The following FOXP1 variants were observed in gnomAD, a reference collection of about 807,000 sequenced individuals.
FOXP1 encodes forkhead box protein P1.
FOXP1 carries 15 observed loss-of-function variants against 98.2 expected under a neutral mutation model. The ratio of observed to expected loss-of-function variants is 0.15; its 90% CI spans 0.10 to 0.24. The LOEUF (loss-of-function observed/expected upper bound fraction) is 0.24. FOXP1 is among the 10% of genes least tolerant of loss of function. The pLI is 1.00. For missense variants in FOXP1, 633 were observed against 848.5 expected (o/e 0.75, Z 3.15); for synonymous variants, 371 against 314.5 (o/e 1.18, Z -1.90).
chr3:71,263,379 T>C lies in FOXP1; in HGVS notation c.-12+36441A>G, dbSNP rs112926647. Among the ~76,000 whole-genome samples the C allele has an allele frequency of 1.8e-3, 275 of 152,254 alleles. 2 individuals are homozygous for C. The highest frequency in any genetic ancestry group is 6.3e-3 in the African/African-American group (263 of 41,544). ...AATATAAAAATCGGATGTGGGGGAA[T>C]TGGGTTTTTATTGTTCTGTTGTTGC... On this transcript the variant is annotated intron_variant, in intron 5 of 20. Transcript: ENST00000649528.
chr3:71,394,219 G>T (rs556556079), intron 3 of FOXP1, among the ~76,000 whole-genome samples: 5 of 152,178 alleles, frequency 3.3e-5, no homozygotes, highest in Non-Finnish European at 7.4e-5. Flanking sequence ...CCGGATTTTT[G>T]TTTTCTCAGA....
chr3:71,294,345 A>G (rs139802328), intron 5 of FOXP1, among the ~76,000 whole-genome samples: 60 of 152,350 alleles, frequency 3.9e-4, no homozygotes, highest in African/African-American at 1.4e-3. Flanking sequence ...AAATCAAGTT[A>G]ATCTCACATA....
chr3:71,040,749 T>C (rs556355065), intron 11 of FOXP1, among the ~76,000 whole-genome samples: 30 of 152,070 alleles, frequency 2.0e-4, no homozygotes, highest in Non-Finnish European at 4.0e-4. Context: ...TTTATGTGAG[T>C]ATATACAACA....
intron 3 of FOXP1, among the ~76,000 whole-genome samples, chr3:71,471,496 G>A (rs920065184): frequency 1.3e-5 from 2 of 152,020 alleles, no homozygotes; most frequent in East Asian, 1.9e-4. Context: ...GAGTACAAAC[G>A]AATGTTTTGA....
intron 11 of FOXP1, among the ~76,000 whole-genome samples, chr3:71,035,138 T>C (rs1226084031): frequency 2.0e-5 from 3 of 152,208 alleles, no homozygotes; most frequent in Non-Finnish European, 4.4e-5. Context: ...GGCCAGAGAC[T>C]GAGTTTCTAA....
chr3:71,106,994 C>T (rs1240569680), intron 7 of FOXP1, among the ~76,000 whole-genome samples: 1 of 151,950 alleles, frequency 6.6e-6, no homozygotes, highest in Non-Finnish European at 1.5e-5. Context: ...GTCTCTAACT[C>T]CTGGACTTAA....
chr3:71,115,991 T>C (rs1394870682), intron 6 of FOXP1, among the ~76,000 whole-genome samples: 3 of 151,880 alleles, frequency 2.0e-5, no homozygotes, highest in African/African-American at 7.2e-5. Flanking sequence ...CCGCCTCAGC[T>C]TCCCAAAGTG....
intron 7 of FOXP1, among the ~76,000 whole-genome samples, chr3:71,087,423 G>A (rs533739297): frequency 3.3e-5 from 5 of 152,306 alleles, no homozygotes; most frequent in East Asian, 3.9e-4. Context: ...AAACGGCATC[G>A]AGCCGCATCA....
chr3:71,477,995 A>G (rs1358042962), intron 3 of FOXP1, among the ~76,000 whole-genome samples: 3 of 152,218 alleles, frequency 2.0e-5, no homozygotes, highest in Non-Finnish European at 4.4e-5. Context: ...AACAGGAATA[A>G]CCTTACCATG....
chr3:70,973,961 T>C (rs2036951578), intron 17 of FOXP1, among the ~76,000 whole-genome samples: 2 of 151,798 alleles, frequency 1.3e-5, no homozygotes, highest in Non-Finnish European at 2.9e-5. Context: ...CAATCACAAT[T>C]GGTGGCTGTG....
At chr3:71,102,366 C>CTTAT (rs2057038558) in intron 7 of FOXP1, among the ~76,000 whole-genome samples, 1 of 152,204 alleles carries the variant, frequency 6.6e-6, no homozygotes, top group African/African-American at 2.4e-5. Context: ...CACAAGCATG[C>CTTAT]TATATCCATG....
chr3:70,970,671 TA>T, intron 19 of FOXP1, 64 bp downstream of exon 19: 1 of 1,217,828 alleles, frequency 8.2e-7, no homozygotes, highest in Non-Finnish European at 1.2e-6. Flanking sequence ...AAGGCTAATA[TA>T]TTTTGAAATG....
chr3:71,067,729 A>AAAACACACACACACACAC (rs1257302897), intron 7 of FOXP1, among the ~76,000 whole-genome samples: 1 of 11,188 alleles, frequency 8.9e-5, no homozygotes, highest in African/African-American at 1.7e-4. Flanking sequence ...CGTCTCCAAA[A>AAAACACACACACACACAC]ATACACACAC....
At chr3:70,979,316 A>AAAAAGAAAAGAAAAG (rs763953057) in intron 14 of FOXP1, among the ~76,000 whole-genome samples, 1 of 96,514 alleles carries the variant, frequency 1.0e-5, no homozygotes, top group African/African-American at 4.3e-5. Context: ...AAAAAAAAAA[A>AAAAAGAAAAGAAAAG]AAAAGAAAAA....
intron 11 of FOXP1, among the ~76,000 whole-genome samples, chr3:71,031,208 A>G (rs985932160): frequency 3.3e-5 from 5 of 152,232 alleles, no homozygotes; most frequent in African/African-American, 1.2e-4. Context: ...AAGCTCCTTC[A>G]AAGACATATC....
chr3:71,112,352 A>G (rs1303120225), intron 7 of FOXP1, among the ~76,000 whole-genome samples, 184 bp downstream of exon 7: 2 of 152,186 alleles, frequency 1.3e-5, no homozygotes, highest in Non-Finnish European at 2.9e-5. Flanking sequence ...ACTCCTGACA[A>G]TAAAACTTTT....
At chr3:71,131,921 T>A (rs990197855) in intron 6 of FOXP1, among the ~76,000 whole-genome samples, 4 of 152,162 alleles carry the variant, frequency 2.6e-5, no homozygotes, top group African/African-American at 9.7e-5. Flanking sequence ...TACTGCCTCA[T>A]CTCCCTTCTG....
chr3:71,121,431 A>G (rs2058762303), intron 6 of FOXP1, among the ~76,000 whole-genome samples: 1 of 151,972 alleles, frequency 6.6e-6, no homozygotes, highest in Admixed American at 6.6e-5. Context: ...AGTAAGTTTA[A>G]TGACTACAAA....
chr3:71,357,004 C>T lies in FOXP1; in HGVS notation c.-73+2146G>A, dbSNP rs114947684. Among the ~76,000 whole-genome samples the T allele has an allele frequency of 6.1e-3, 927 of 152,252 alleles. 6 individuals are homozygous for T. The highest frequency in any genetic ancestry group is 0.021 in the African/African-American group (854 of 41,534). On this transcript the variant is annotated intron_variant, in intron 4 of 20. Coordinates refer to ENST00000649528, the MANE Select transcript of FOXP1 (RefSeq NM_001349338.3). ...GCTTACTTGTCCCGTGCACCCCACTCCCACGGTAAGCTTTCAGCAGAGATA... is the reference window on the plus strand; with the variant it reads ...GCTTACTTGTCCCGTGCACCCCACTTCCACGGTAAGCTTTCAGCAGAGATA...
Sources: allele counts gnomAD v4.1 joint callset (sites outside exome capture counted in the v4.1 genomes callset), GRCh38; gene constraint gnomAD v4.1.1; transcripts MANE v1.5; gene names NCBI Gene and HGNC (gene_info 2026-07-23, HGNC 2026-07-21).